FOXP2: variants seen among roughly 807,000 people sequenced by gnomAD.
The protein encoded by FOXP2 is forkhead box P2.
Under a neutral mutation model 115.8 loss-of-function variants are expected in FOXP2, and 12 were observed. The observed-to-expected ratio is 0.10, with a 90% CI of 0.07 to 0.17. FOXP2 has a LOEUF of 0.17. Among genes scored for constraint, FOXP2 ranks in the 10% least tolerant of loss-of-function variants. The pLI, the probability that FOXP2 is intolerant of heterozygous loss-of-function variation, is 1.00. For missense variants in FOXP2, 629 were observed against 843.5 expected, an observed-to-expected ratio of 0.75 and a Z score of 3.15; for synonymous variants, 328 against 297.7, an observed-to-expected ratio of 1.10 and a Z score of -1.05.
At chr7:114,233,002 G>A (rs1251095582) in intron 1 of FOXP2, among the ~76,000 whole-genome samples, 1 of 152,138 alleles carries the variant, frequency 6.6e-6, no homozygotes, top group Admixed American at 6.5e-5. Context: ...GGTGGGTGCA[G>A]GAGCTATGAG....
chr7:114,307,873 G>A (rs1207481067), intron 2 of FOXP2, among the ~76,000 whole-genome samples: 2 of 152,118 alleles, frequency 1.3e-5, no homozygotes, highest in African/African-American at 4.8e-5. Context: ...GTCTGTTTTT[G>A]TAGCCTGTGG....
intron 8 of FOXP2, among the ~76,000 whole-genome samples, chr7:114,649,555 A>G (rs1806118923): frequency 6.6e-6 from 1 of 152,046 alleles, no homozygotes; most frequent in Admixed American, 6.6e-5. Flanking sequence ...AACATAAAAG[A>G]GAATAATTTC....
chr7:114,584,562 A>T lies in FOXP2; in HGVS notation c.259-43978A>T, dbSNP rs1166044808. On this transcript the variant is annotated intron_variant, in intron 3 of 16. Transcript: ENST00000350908. ...CTTCTGTTTGTCAGTCTAAACACTT[A>T]CTTGACATTCTTTAGTCTATGCTAC... Among the ~76,000 whole-genome samples, 4 of 152,148 alleles carry T rather than the reference A, an allele frequency of 2.6e-5. No individual in the cohort carries two copies. In the East Asian group the frequency reaches 7.7e-4, roughly 29 times the overall value.
chr7:114,582,011 G>A (rs1801894657), intron 3 of FOXP2, among the ~76,000 whole-genome samples: 1 of 152,148 alleles, frequency 6.6e-6, no homozygotes, highest in Non-Finnish European at 1.5e-5. Context: ...GAAAAATGCT[G>A]CTAAAGGGGA....
At position 114,414,933 on chromosome 7, in the gene FOXP2, C is replaced by T; in HGVS notation, c.-438C>T. ...ACACTCACACACATGCACACACACA[C>T]ATACACACACACAAAAATGAAGCAC... is the stretch of plus-strand genomic sequence containing the variant. On this transcript the variant is annotated 5_prime_UTR_variant, in exon 1 of 17. Transcript: ENST00000350908. The T allele has an allele frequency of 5.0e-6, 2 of 402,278 alleles. No homozygotes were observed. The highest frequency in any genetic ancestry group is 1.0e-5 in the Non-Finnish European group (2 of 199,786). 24.9% of individuals were successfully genotyped at this position (402,278 alleles called of 1,614,324 possible). A position where few individuals can be genotyped will look rare whatever the true frequency, so the allele number is the denominator to read the frequency against.
At chr7:114,625,897 A>C (rs946395039) in intron 3 of FOXP2, among the ~76,000 whole-genome samples, 1 of 151,768 alleles carries the variant, frequency 6.6e-6, no homozygotes, top group Non-Finnish European at 1.5e-5. Flanking sequence ...TTTTCTACCT[A>C]TATAATTAAT....
At chr7:114,193,078 TATA>T (rs1235904514) in intron 1 of FOXP2, among the ~76,000 whole-genome samples, 9 of 152,242 alleles carry the variant, frequency 5.9e-5, no homozygotes, top group African/African-American at 1.7e-4. Context: ...GTAGATATTT[TATA>T]ATATCATCTT....
intron 5 of FOXP2, 136 bp downstream of exon 5, chr7:114,630,141 T>G (rs1033874408): frequency 4.8e-5 from 70 of 1,472,402 alleles, no homozygotes; most frequent in Non-Finnish European, 6.5e-5. Context: ...TTTACTGAGC[T>G]TAGTAACAGT....
chr7:114,311,863 T>G (rs2129180142), intron 2 of FOXP2, among the ~76,000 whole-genome samples: 1 of 152,266 alleles, frequency 6.6e-6, no homozygotes, highest in Non-Finnish European at 1.5e-5. Flanking sequence ...CTTTCTCTCT[T>G]GTATACCTCC....
intron 1 of FOXP2, among the ~76,000 whole-genome samples, chr7:114,101,224 CTCTT>C (rs1449521279): frequency 6.6e-6 from 1 of 152,142 alleles, no homozygotes; most frequent in Non-Finnish European, 1.5e-5. Flanking sequence ...AGCAAATTTA[CTCTT>C]TCTTTCAGAG....
intron 1 of FOXP2, 82 bp downstream of exon 1, chr7:114,415,442 G>T (rs963271477): frequency 2.7e-6 from 1 of 366,350 alleles, no homozygotes; most frequent in African/African-American, 2.1e-5. Flanking sequence ...GGTAGATTTG[G>T]CAATTGCTTT....
intron 2 of FOXP2, among the ~76,000 whole-genome samples, chr7:114,519,585 T>A (rs1798511525): frequency 6.6e-6 from 1 of 152,118 alleles, no homozygotes; most frequent in African/African-American, 2.4e-5. Flanking sequence ...TGTTCCACTC[T>A]GGTGAGTAGT....
At chr7:114,149,854 G>A (rs1584508503) in intron 1 of FOXP2, among the ~76,000 whole-genome samples, 1 of 151,890 alleles carries the variant, frequency 6.6e-6, no homozygotes, top group East Asian at 1.9e-4. Context: ...AAATACTAAG[G>A]ACATGGTAAA....
In FOXP2 at chr7:114,642,511, A is replaced by G. The variant is rs1584983348; in HGVS notation, c.877A>G (p.Thr293Ala). The G allele has an allele frequency of 1.2e-6, 2 of 1,613,780 alleles. No individual in the cohort carries two copies. The highest frequency in any genetic ancestry group is 1.3e-5 in the African/African-American group (1 of 74,846). Residue 293 changes from threonine to alanine, a missense_variant, in exon 7 of 17, where the codon ACT (threonine) becomes GCT (alanine). Physicochemically the swap from Thr to Ala is moderately conservative, Grantham distance 58. Around this residue, in one of 9 missense-constraint regions of FOXP2, gnomAD observed 92 missense variants for 80.1 expected, o/e 1.15. Coordinates refer to ENST00000350908, the MANE Select transcript of FOXP2 (RefSeq NM_014491.4). ...GIKHGGLDLTTNNSSSTTSSN... is the reference protein window; with the variant it reads ...GIKHGGLDLTANNSSSTTSSN... The stretch of plus-strand genomic sequence containing the variant: ...TAAACATGGAGGGCTAGACCTCACT[A>G]CTAACAATTCCTCCTCGACTACCTC...
intron 8 of FOXP2, chr7:114,645,172 ATATATAT>A: frequency 9.0e-6 from 1 of 111,648 alleles, no homozygotes; most frequent in Non-Finnish European, 1.9e-5. Context: ...ATATATATAT[ATATATAT>A]TTCAGTAAAC....
intron 1 of FOXP2, among the ~76,000 whole-genome samples, chr7:114,421,903 C>A (rs533223563): frequency 6.6e-6 from 1 of 151,640 alleles, no homozygotes; most frequent in African/African-American, 2.4e-5. Context: ...ATTATTTAAA[C>A]GCTAGTTTCT....
At position 114,179,896 on chromosome 7, in the gene FOXP2, A is replaced by AT. The variant is rs546074684; in HGVS notation, c.-102+16816dup. ...AAGGAGACTATCATCAGATTTGAGA[A>AT]TTTTTTTTCTGGACTGTAACTCCTG... On this transcript the variant is annotated intron_variant, in intron 1 of 17. Transcript: ENST00000634411. 2.7e-3 allele frequency among the ~76,000 whole-genome samples: 416 copies of AT among 151,738 alleles called. 4 individuals are homozygous for AT. The highest frequency in any genetic ancestry group is 3.5e-3 in the Non-Finnish European group (240 of 67,786).
chr7:114,542,280 C>A (rs115335759), intron 3 of FOXP2, among the ~76,000 whole-genome samples: 1,734 of 152,238 alleles, frequency 0.011, 29 homozygotes, highest in African/African-American at 0.036. Context: ...CTGTAACTAT[C>A]TAATTCTATC....
intron 2 of FOXP2, among the ~76,000 whole-genome samples, chr7:114,516,079 C>G (rs1798328163): frequency 6.6e-6 from 1 of 151,944 alleles, no homozygotes. Flanking sequence ...CATATGAAAC[C>G]AAAAAAGAGC....
Sources: allele counts gnomAD v4.1 joint callset (sites outside exome capture counted in the v4.1 genomes callset), GRCh38; gene constraint gnomAD v4.1.1; regional missense constraint gnomAD v4.1.1; transcripts MANE v1.5; gene names NCBI Gene and HGNC (gene_info 2026-07-23, HGNC 2026-07-21).